Variants in TGM4 observed in about 807,000 individuals in gnomAD.
TGM4 encodes protein-glutamine gamma-glutamyltransferase 4.
TGM4 carries 61 observed loss-of-function variants against 76.3 expected under a neutral mutation model. The observed-to-expected ratio is 0.80, with a 90% CI of 0.65 to 0.99. TGM4 has a LOEUF of 0.99. Ranked by LOEUF, TGM4 falls within the 50% of genes least tolerant of loss-of-function variation. The pLI is 0.00. For synonymous variants in TGM4, 337 were observed against 329.8 expected (o/e 1.02, Z -0.24); for missense variants, 794 against 843.2 (o/e 0.94, Z 0.72).
At chr3:44,900,415 C>A (rs1328486862) in intron 6 of TGM4, among the ~76,000 whole-genome samples, 1 of 152,182 alleles carries the variant, frequency 6.6e-6, no homozygotes, top group Non-Finnish European at 1.5e-5. Flanking sequence ...AGAGGCTTGT[C>A]CAGCCACAGG....
rs774251792 is a variant in TGM4 at position 44,911,078 on chromosome 3, T to C, written c.1727T>C (p.Met576Thr). 8 of 1,614,200 alleles carry C rather than the reference T, an allele frequency of 5.0e-6. No individual in the cohort carries two copies. The highest frequency in any genetic ancestry group is 4.4e-5 in the South Asian group (4 of 91,074). Residue 576 changes from methionine to threonine, a missense_variant, in exon 12 of 14, where the codon ATG becomes ACG. Transcript: ENST00000296125. ...GAAATTGTGGAGTCTAAGGAAATCA[T>C]GGCCTCTGAAGTATTCACGTCTTTC... is the stretch of plus-strand genomic sequence containing the variant. ...IAEIVESKEI[M>T]ASEVFTSFQY...
At chr3:44,898,991 G>A (rs937854417) in intron 6 of TGM4, among the ~76,000 whole-genome samples, 1 of 152,214 alleles carries the variant, frequency 6.6e-6, no homozygotes, top group East Asian at 1.9e-4. Flanking sequence ...TCTCAGTGGT[G>A]CAGGTGGACT....
chr3:44,884,544 G>T (rs1267820910), intron 1 of TGM4, among the ~76,000 whole-genome samples: 1 of 152,060 alleles, frequency 6.6e-6, no homozygotes, highest in Non-Finnish European at 1.5e-5. Flanking sequence ...GAGTGCAGTG[G>T]CTTGATCTCG....
chr3:44,880,212 G>T (rs1403404988), intron 1 of TGM4, among the ~76,000 whole-genome samples: 1 of 152,204 alleles, frequency 6.6e-6, no homozygotes, highest in East Asian at 1.9e-4. Context: ...GGGGCTATAA[G>T]CTCACCTTGA....
intron 6 of TGM4, 52 bp downstream of exon 6, chr3:44,896,868 G>C: frequency 6.6e-7 from 1 of 1,512,290 alleles, no homozygotes; most frequent in Non-Finnish European, 9.2e-7. Context: ...CAATTGCTCA[G>C]CCTTTTTCTG....
At chr3:44,897,847 G>A (rs947726597) in intron 6 of TGM4, among the ~76,000 whole-genome samples, 24 of 152,166 alleles carry the variant, frequency 1.6e-4, no homozygotes, top group African/African-American at 5.6e-4. Flanking sequence ...AGTGAGAAGA[G>A]TGGCATTGTT....
At chr3:44,885,648 C>G in intron 2 of TGM4, 150 bp downstream of exon 2, 1 of 845,994 alleles carries the variant, frequency 1.2e-6, no homozygotes, top group East Asian at 2.7e-5. Flanking sequence ...GGAATAATAG[C>G]GGGTGTGAAG....
chr3:44,907,716 C>T (rs1167311440), intron 10 of TGM4, among the ~76,000 whole-genome samples: 1 of 152,176 alleles, frequency 6.6e-6, no homozygotes, highest in Non-Finnish European at 1.5e-5. Flanking sequence ...CCTGGCCAAA[C>T]CTCTGCTTAT....
At chr3:44,881,913 A>AACAAGGACTTGTTTCTTTGTATTCAATGT (rs1324703698) in intron 1 of TGM4, among the ~76,000 whole-genome samples, 68 of 152,334 alleles carry the variant, frequency 4.5e-4, no homozygotes, top group Non-Finnish European at 7.5e-4. Context: ...GGTGGCAAGA[A>AACAAGGACTTGTTTCTTTGTATTCAATGT]ACAAGGACAT....
At chr3:44,899,743 T>G (rs1316900766) in intron 6 of TGM4, 1 of 152,254 alleles carries the variant, frequency 6.6e-6, no homozygotes, top group Non-Finnish European at 1.5e-5. Context: ...TGTCTGTGGG[T>G]CAGGAATCCA....
rs139860990 is a variant in TGM4, at chr3:44,901,672, G to A, written c.806G>A (p.Trp269Ter). 7.9e-3 allele frequency: 12,678 copies of A among 1,614,152 alleles called. 110 individuals carry two copies. The highest frequency in any genetic ancestry group is 0.036 in the Middle Eastern group (219 of 6,062). Residue 269 changes from tryptophan to a stop codon, truncating the protein, a stop_gained, in exon 7 of 14, where the codon TGG becomes TAG. Coordinates refer to ENST00000296125, the MANE Select transcript of TGM4 (RefSeq NM_003241.4). LOFTEE classifies it high-confidence loss of function. ...CAGGCTGTGTGCTTTGGCCAGTGCT[G>A]GGTGTTTGCTGGGATCCTGACTACA... ...TKQAVCFGQC[W>*]VFAGILTTVL...
rs767654399 is a variant in TGM4, at chr3:44,887,730, G to A, written c.235G>A (p.Asp79Asn). 3.1e-5 allele frequency: 50 copies of A among 1,614,044 alleles called. No individual in the cohort carries two copies. The Admixed American group carries it at 6.5e-4, about 21-fold the overall frequency. Residue 79 changes from aspartate to asparagine, a missense_variant, in exon 3 of 14, where the codon GAC (aspartate) becomes AAC (asparagine). By Grantham distance (23) the Asp-to-Asn change is conservative. Coordinates refer to ENST00000296125, the MANE Select transcript of TGM4 (RefSeq NM_003241.4). ...CGCCAAACACACCCTGGTGGTGCTC[G>A]ACCCGAGGACGCCCTCAGACCACTA... is the stretch of plus-strand genomic sequence containing the variant. ...SIAKHTLVVL[D>N]PRTPSDHYNW... is the part of the protein sequence containing the mutation.
At chr3:44,882,459 G>A (rs544557287) in intron 1 of TGM4, among the ~76,000 whole-genome samples, 241 of 152,320 alleles carry the variant, frequency 1.6e-3, no homozygotes, top group African/African-American at 5.4e-3. Flanking sequence ...TTATTCTCTC[G>A]TTCTGGAAGA....
Position 44,890,716 on chromosome 3 carries a change from C to T in TGM4, c.414C>T (p.Phe138=). ...KSEENILYLL[F]NPWCKEDMVF... is the part of the protein sequence containing the mutation. The stretch of plus-strand genomic sequence containing the variant: ...AAGAAAACATCCTATACCTTCTCTT[C>T]AACCCATGGTGTAAAGGTACTGTGA... Residue 138 remains phenylalanine, a synonymous_variant, in exon 4 of 14, where the codon TTC becomes TTT. Coordinates refer to ENST00000296125, the MANE Select transcript of TGM4 (RefSeq NM_003241.4). 6.2e-7 allele frequency: 1 copy of T among 1,614,114 alleles called. No homozygotes were observed. Among genetic ancestry groups the T allele is most frequent in the Non-Finnish European group, 8.5e-7 (1 of 1,179,962 alleles).
At chr3:44,877,222 A>G (rs1264079584) in intron 1 of TGM4, among the ~76,000 whole-genome samples, 1 of 152,154 alleles carries the variant, frequency 6.6e-6, no homozygotes, top group Non-Finnish European at 1.5e-5. Flanking sequence ...CAAGGTGGGC[A>G]GATCACTTGA....
At chr3:44,891,266 A>G (rs1194510597) in intron 4 of TGM4, among the ~76,000 whole-genome samples, 2 of 152,198 alleles carry the variant, frequency 1.3e-5, no homozygotes, top group African/African-American at 4.8e-5. Flanking sequence ...AATGCGGCAC[A>G]TTCTATGTCA....
At chr3:44,903,498 C>T (rs1415236749) in intron 8 of TGM4, 4 of 181,916 alleles carry the variant, frequency 2.2e-5, no homozygotes, top group Non-Finnish European at 4.6e-5. Context: ...TTCACCCATT[C>T]ATCCAGGAAA....
rs1198973607 is a variant in TGM4, at chr3:44,907,150, T to TG, written c.1280dup (p.Gln428ProfsTer10). ...GGGAAAAACATCAGCACCAAGGCAG[T>TG]GGGCCAAGACAGGCGGAGAGATATC... On this transcript the variant is annotated frameshift_variant, in exon 10 of 14. Coordinates refer to ENST00000296125, the MANE Select transcript of TGM4 (RefSeq NM_003241.4). LOFTEE classifies it high-confidence loss of function. 2 of 1,613,982 alleles carry TG rather than the reference T, an allele frequency of 1.2e-6. No homozygotes were observed. The highest frequency in any genetic ancestry group is 1.6e-4 in the Middle Eastern group (1 of 6,062).
At position 44,901,882 on chromosome 3, in the gene TGM4, G is replaced by A; in HGVS notation, c.922G>A (p.Val308Met). ...AAGGAACCTCACGGTGGACACCTATGTGAATGAGAATGGCGAGAAAATCAC... is the reference window on the plus strand; with the variant it reads ...AAGGAACCTCACGGTGGACACCTATATGAATGAGAATGGCGAGAAAATCAC... ...TERNLTVDTYVNENGEKITSM... is the reference protein window; with the variant it reads ...TERNLTVDTYMNENGEKITSM... Residue 308 changes from valine (V) to methionine (M), a missense_variant, in exon 8 of 14, where the codon GTG becomes ATG. By Grantham distance (21) the Val-to-Met change is conservative. Transcript: ENST00000296125. 1 of 1,614,236 alleles carries A rather than the reference G, an allele frequency of 6.2e-7. No individual in the cohort carries two copies. Among genetic ancestry groups the A allele is most frequent in the Non-Finnish European group, 8.5e-7 (1 of 1,180,044 alleles).
Sources: allele counts gnomAD v4.1 joint callset (sites outside exome capture counted in the v4.1 genomes callset), GRCh38; gene constraint gnomAD v4.1.1; transcripts MANE v1.5; gene names NCBI Gene and HGNC (gene_info 2026-07-23, HGNC 2026-07-21).